DACH1: variants seen among roughly 807,000 people sequenced by gnomAD.
DACH1 encodes the protein dachshund homolog 1.
DACH1 carries 12 observed loss-of-function variants against 54.2 expected under a neutral mutation model. The observed-to-expected ratio is 0.22, with a 90% CI of 0.14 to 0.36. The LOEUF (loss-of-function observed/expected upper bound fraction) is 0.36, where lower values mean the gene tolerates loss of function less well. Ranked by LOEUF, DACH1 falls within the 10% of genes least tolerant of loss-of-function variation. DACH1 has a pLI of 1.00. For missense variants in DACH1, 805 were observed against 929.8 expected, an observed-to-expected ratio of 0.87 and a Z score of 1.75; for synonymous variants, 386 against 366.2, an observed-to-expected ratio of 1.05 and a Z score of -0.62.
intron 3 of DACH1, among the ~76,000 whole-genome samples, chr13:71,588,384 T>C (rs1463147285): frequency 6.6e-6 from 1 of 152,110 alleles, no homozygotes; most frequent in Non-Finnish European, 1.5e-5. Context: ...AAAAACAAAG[T>C]TTGACCACAC....
intron 3 of DACH1, among the ~76,000 whole-genome samples, chr13:71,611,898 C>T (rs1273240149): frequency 6.6e-6 from 1 of 151,948 alleles, no homozygotes; most frequent in East Asian, 1.9e-4. Flanking sequence ...AATAAAAAGA[C>T]AAGGTCCCTG....
chr13:71,534,402 T>C (rs1882618984), intron 6 of DACH1, among the ~76,000 whole-genome samples: 2 of 152,016 alleles, frequency 1.3e-5, no homozygotes, highest in African/African-American at 4.8e-5. Context: ...ATTTACTTTG[T>C]TAATGATTTG....
intron 10 of DACH1, among the ~76,000 whole-genome samples, chr13:71,472,792 G>A (rs1008038662): frequency 5.9e-5 from 9 of 152,072 alleles, no homozygotes; most frequent in Admixed American, 4.6e-4. Context: ...AATGAGTTCT[G>A]GTTCTTTCTT....
chr13:71,787,855 C>T (rs1313722372), intron 1 of DACH1, among the ~76,000 whole-genome samples: 1 of 152,128 alleles, frequency 6.6e-6, no homozygotes, highest in Non-Finnish European at 1.5e-5. Flanking sequence ...AAATTTACTA[C>T]AGCTGAACAA....
intron 10 of DACH1, among the ~76,000 whole-genome samples, chr13:71,472,223 C>G (rs1877143177): frequency 6.6e-6 from 1 of 152,160 alleles, no homozygotes; most frequent in Non-Finnish European, 1.5e-5. Flanking sequence ...AATAAAGAAT[C>G]TACCCTGCGT....
At chr13:71,573,395 A>C in intron 3 of DACH1, 1 of 713,730 alleles carries the variant, frequency 1.4e-6, no homozygotes, top group South Asian at 1.5e-5. Flanking sequence ...TATGATTTTT[A>C]ATACTAAAGA....
chr13:71,600,954 A>G (rs1874449369), intron 3 of DACH1, among the ~76,000 whole-genome samples: 1 of 150,844 alleles, frequency 6.6e-6, no homozygotes, highest in African/African-American at 2.4e-5. Context: ...TTTTTTTTTA[A>G]TCTCTCCAGA....
At chr13:71,709,836 A>ATAAT (rs1338399333) in intron 1 of DACH1, among the ~76,000 whole-genome samples, 7 of 152,302 alleles carry the variant, frequency 4.6e-5, no homozygotes, top group Admixed American at 4.6e-4. Context: ...AAATAAATAA[A>ATAAT]TACACCCACA....
chr13:71,464,835 C>A, intron 10 of DACH1: 1 of 386,190 alleles, frequency 2.6e-6, no homozygotes. Context: ...TGTTTAGTAT[C>A]AAGAGAAATT....
chr13:71,636,735 C>T (rs1354375688), intron 2 of DACH1, among the ~76,000 whole-genome samples: 2 of 151,846 alleles, frequency 1.3e-5, no homozygotes, highest in South Asian at 2.1e-4. Context: ...TGGGTTAATA[C>T]ACTACCTGCC....
intron 6 of DACH1, among the ~76,000 whole-genome samples, chr13:71,509,312 C>A (rs921394669): frequency 6.6e-6 from 1 of 152,034 alleles, no homozygotes; most frequent in African/African-American, 2.4e-5. Context: ...CAAAAACATT[C>A]TTTCATGAAA....
chr13:71,519,908 T>TATATATATATATA (rs1566312779), intron 6 of DACH1, among the ~76,000 whole-genome samples: 1 of 135,690 alleles, frequency 7.4e-6, no homozygotes, highest in Admixed American at 7.5e-5. Context: ...TATATATATA[T>TATATATATATATA]CCTAACTAAC....
intron 1 of DACH1, among the ~76,000 whole-genome samples, chr13:71,846,935 A>G (rs913918713): frequency 6.6e-6 from 1 of 152,300 alleles, no homozygotes; most frequent in East Asian, 1.9e-4. Context: ...TGTAATTATC[A>G]AACTGCTAAT....
intron 1 of DACH1, among the ~76,000 whole-genome samples, chr13:71,820,868 G>A (rs966537633): frequency 2.6e-5 from 4 of 152,180 alleles, no homozygotes; most frequent in South Asian, 2.1e-4. Flanking sequence ...AAAATGGGAA[G>A]GAGAAAGATA....
chr13:71,852,263 C>T (rs1360621405), intron 1 of DACH1, among the ~76,000 whole-genome samples: 1 of 152,130 alleles, frequency 6.6e-6, no homozygotes, highest in African/African-American at 2.4e-5. Flanking sequence ...CTTCCTTGCT[C>T]TTCGCGACCA....
intron 1 of DACH1, among the ~76,000 whole-genome samples, chr13:71,735,825 A>G (rs1441851732): frequency 6.6e-6 from 1 of 152,004 alleles, no homozygotes; most frequent in Non-Finnish European, 1.5e-5. Context: ...CTGTTTTATT[A>G]TAATTAATCT....
intron 1 of DACH1, among the ~76,000 whole-genome samples, chr13:71,726,806 C>A (rs1206181964): frequency 6.6e-6 from 1 of 151,756 alleles, no homozygotes; most frequent in East Asian, 1.9e-4. Context: ...TCTAATATAT[C>A]TCTTATTAAA....
intron 2 of DACH1, among the ~76,000 whole-genome samples, chr13:71,649,214 G>A (rs936211493): frequency 6.6e-5 from 10 of 152,174 alleles, no homozygotes; most frequent in Non-Finnish European, 1.3e-4. Context: ...TAAGCCATAC[G>A]TATAGCCTAG....
intron 6 of DACH1, among the ~76,000 whole-genome samples, chr13:71,525,348 C>A (rs1307864745): frequency 1.3e-5 from 2 of 152,090 alleles, no homozygotes; most frequent in African/African-American, 4.8e-5. Flanking sequence ...TCAAAGAAAT[C>A]TTTTTTAAAA....
Sources: gnomAD v4.1 joint callset for allele counts (sites outside exome capture counted in the v4.1 genomes callset) on GRCh38, gnomAD v4.1.1 for gene constraint, MANE v1.5 for transcripts, NCBI Gene and HGNC (gene_info 2026-07-23, HGNC 2026-07-21) for gene names.